Variants in KIF11 observed in about 807,000 individuals in gnomAD.
KIF11 encodes the protein kinesin family member 11.
A neutral mutation model predicts 121.0 loss-of-function variants in KIF11; 9 were observed. The ratio of observed to expected loss-of-function variants is 0.07; its 90% CI spans 0.04 to 0.13. The LOEUF is 0.13. Ranked by LOEUF, KIF11 falls within the 10% of genes least tolerant of loss-of-function variation. KIF11 has a pLI of 1.00. For missense variants in KIF11, 846 were observed against 1,217.5 expected, an observed-to-expected ratio of 0.69 and a Z score of 4.54; for synonymous variants, 408 against 421.0, an observed-to-expected ratio of 0.97 and a Z score of 0.38.
intron 1 of KIF11, among the ~76,000 whole-genome samples, chr10:92,603,263 C>CTTTTTTTTTTTTTT (rs368046931): frequency 1.5e-4 from 16 of 109,164 alleles, no homozygotes; most frequent in Non-Finnish European, 2.3e-4. Flanking sequence ...CTTTTCTTTT[C>CTTTTTTTTTTTTTT]TTTTTTTTTT....
chr10:92,636,610 A>G (rs1303536403), intron 14 of KIF11, among the ~76,000 whole-genome samples: 2 of 151,900 alleles, frequency 1.3e-5, no homozygotes, highest in East Asian at 1.9e-4. Flanking sequence ...GAGTGAAACT[A>G]TATCTCAAAA....
chr10:92,639,583 A>G (rs1039413422), intron 16 of KIF11, among the ~76,000 whole-genome samples: 4 of 151,750 alleles, frequency 2.6e-5, no homozygotes, highest in Admixed American at 2.0e-4. Context: ...ACAGAGTGAG[A>G]CCCTGTCTCT....
intron 14 of KIF11, 93 bp from the exon 15 acceptor site, chr10:92,637,091 T>G: frequency 1.0e-6 from 1 of 975,930 alleles, no homozygotes; most frequent in Non-Finnish European, 1.5e-6. Context: ...ATGTGAATGT[T>G]TAGCTACCAA....
chr10:92,621,341 G>A, intron 9 of KIF11, 44 bp from the exon 10 acceptor site: 1 of 1,216,188 alleles, frequency 8.2e-7, no homozygotes, highest in Non-Finnish European at 1.2e-6. Flanking sequence ...CAAACTGAAT[G>A]AAAAAAGTAC....
intron 6 of KIF11, among the ~76,000 whole-genome samples, chr10:92,611,610 G>C (rs1374302219): frequency 6.6e-6 from 1 of 152,022 alleles, no homozygotes; most frequent in Non-Finnish European, 1.5e-5. Flanking sequence ...TTATAAAAAT[G>C]ATACTTGGCT....
At chr10:92,632,762 T>TAATTG in intron 13 of KIF11, 69 bp downstream of exon 13, 1 of 981,500 alleles carries the variant, frequency 1.0e-6, no homozygotes, top group Non-Finnish European at 1.5e-6. Context: ...ACTGATAATT[T>TAATTG]TGTGAAACAT....
Position 92,606,605 on chromosome 10 carries a change from AT to A in KIF11, c.211-7del, listed in dbSNP as rs774001058. The A allele has an allele frequency of 2.1e-6, 3 of 1,448,030 alleles. No individual in the cohort carries two copies. Among genetic ancestry groups the A allele is most frequent in the Non-Finnish European group, 2.8e-6 (3 of 1,060,844 alleles). The allele number at this position is 1,448,030 out of a possible 1,614,324, so 89.7% of individuals were successfully genotyped here. A position where few individuals can be genotyped will look rare whatever the true frequency, so the allele number is the denominator to read the frequency against. ...TTTGAGGTTGATTTTTTTTTTTTTA[AT>A]TTTTTTCGTTAGGTGTTTGGAGCAT... On this transcript the variant is annotated splice_polypyrimidine_tract_variant and intron_variant, in intron 2 of 21. Coordinates refer to ENST00000260731, the MANE Select transcript of KIF11 (RefSeq NM_004523.4).
chr10:92,644,131 C>T (rs1422917959), intron 17 of KIF11, among the ~76,000 whole-genome samples: 1 of 152,078 alleles, frequency 6.6e-6, no homozygotes, highest in African/African-American at 2.4e-5. Context: ...ATCATTTTTC[C>T]TGCTTTCCTG....
chr10:92,607,104 A>G lies in KIF11; in HGVS notation c.309-55A>G. On this transcript the variant is annotated intron_variant, in intron 3 of 21. Coordinates refer to ENST00000260731, the MANE Select transcript of KIF11 (RefSeq NM_004523.4). ...TTTTTTGTTTTTCTAGTCTATCACT[A>G]AGAGTCATATGGGTGCATGTTTCTT... 3 of 1,035,694 alleles carry G rather than the reference A, an allele frequency of 2.9e-6. No homozygotes were observed. In the South Asian group the frequency reaches 3.9e-5, roughly 14 times the overall value. 64.2% of individuals were successfully genotyped at this position (1,035,694 alleles called of 1,614,324 possible). A position where few individuals can be genotyped will look rare whatever the true frequency, so the allele number is the denominator to read the frequency against.
chr10:92,611,746 A>G (rs1232532731), intron 6 of KIF11, among the ~76,000 whole-genome samples: 3 of 152,204 alleles, frequency 2.0e-5, no homozygotes, highest in Middle Eastern at 6.8e-3. Flanking sequence ...TAAAAATACA[A>G]AAATTAGCTT....
intron 21 of KIF11, among the ~76,000 whole-genome samples, chr10:92,653,302 C>T (rs1845007552): frequency 6.6e-6 from 1 of 152,146 alleles, no homozygotes; most frequent in South Asian, 2.1e-4. Flanking sequence ...TCACTCAAAG[C>T]CAGTAGCACT....
Position 92,641,175 on chromosome 10 carries a change from A to G in KIF11, c.2267+1275A>G, listed in dbSNP as rs114407859. Among the ~76,000 whole-genome samples, 389 of 152,306 alleles carry G rather than the reference A, an allele frequency of 2.6e-3. 1 individual carries two copies. Among genetic ancestry groups the G allele is most frequent in the African/African-American group, 9.0e-3 (373 of 41,586 alleles). On this transcript the variant is annotated intron_variant, in intron 17 of 21. Coordinates refer to ENST00000260731, the MANE Select transcript of KIF11 (RefSeq NM_004523.4). ...ACTTTATGGTTTAACATTTATATTC[A>G]TGATCCATTTAAAAATTTTTATAAA...
At chr10:92,617,030 A>G (rs1844564605) in intron 9 of KIF11, among the ~76,000 whole-genome samples, 198 bp downstream of exon 9, 1 of 152,236 alleles carries the variant, frequency 6.6e-6, no homozygotes, top group Non-Finnish European at 1.5e-5. Context: ...CAACTTTATC[A>G]ACTGAGTTGG....
intron 8 of KIF11, among the ~76,000 whole-genome samples, chr10:92,616,490 T>C (rs891490301): frequency 6.6e-5 from 10 of 152,174 alleles, no homozygotes; most frequent in Admixed American, 5.9e-4. Flanking sequence ...TGAGCCATCA[T>C]TGAGTTTAAG....
At chr10:92,597,457 G>T (rs1844310209) in intron 1 of KIF11, among the ~76,000 whole-genome samples, 1 of 152,046 alleles carries the variant, frequency 6.6e-6, no homozygotes, top group African/African-American at 2.4e-5. Context: ...TAGAGATGGG[G>T]TTTCGCCTTG....
chr10:92,653,030 T>C (rs1451112117), intron 21 of KIF11, among the ~76,000 whole-genome samples: 1 of 152,200 alleles, frequency 6.6e-6, no homozygotes, highest in Non-Finnish European at 1.5e-5. Context: ...AAATGAGGAA[T>C]ATGAAATAGG....
chr10:92,631,387 C>T (rs1844737312), intron 12 of KIF11, among the ~76,000 whole-genome samples: 1 of 145,102 alleles, frequency 6.9e-6, no homozygotes, highest in Non-Finnish European at 1.5e-5. Flanking sequence ...CGGAGTCTCG[C>T]TCTGTCGCCC....
In KIF11 at chr10:92,653,848, C is replaced by G. The variant is rs1255928004; in HGVS notation, c.*52C>G. Reference sequence around the variant, plus strand: ...TTTAAAGAAAACTTAAAAATAAAACCTGAAACCCCAGAACTTGAGCCTTGT... The same window carrying G: ...TTTAAAGAAAACTTAAAAATAAAACGTGAAACCCCAGAACTTGAGCCTTGT... On this transcript the variant is annotated 3_prime_UTR_variant, in exon 22 of 22. Coordinates refer to ENST00000260731, the MANE Select transcript of KIF11 (RefSeq NM_004523.4). 2 of 1,506,850 alleles carry G rather than the reference C, an allele frequency of 1.3e-6. No homozygotes were observed. The highest frequency in any genetic ancestry group is 1.8e-6 in the Non-Finnish European group (2 of 1,098,542). The allele number at this position is 1,506,850 out of a possible 1,614,324, so 93.3% of individuals were successfully genotyped here.
chr10:92,647,977 T>A (rs1166906311), intron 18 of KIF11, among the ~76,000 whole-genome samples: 3 of 151,840 alleles, frequency 2.0e-5, no homozygotes, highest in African/African-American at 7.3e-5. Context: ...GGCATGGTGG[T>A]ACATGCCTGT....
Sources: gnomAD v4.1 joint callset for allele counts (sites outside exome capture counted in the v4.1 genomes callset) on GRCh38, gnomAD v4.1.1 for gene constraint, MANE v1.5 for transcripts, NCBI Gene and HGNC (gene_info 2026-07-23, HGNC 2026-07-21) for gene names.